The following LUZP2 variants were observed in gnomAD, a reference collection of about 807,000 sequenced individuals.
The protein encoded by LUZP2 is leucine zipper protein 2.
LUZP2 carries 52 observed loss-of-function variants against 51.6 expected under a neutral mutation model. That is an observed-to-expected ratio of 1.01 (90% CI 0.81 to 1.27). LUZP2 has a LOEUF of 1.27. LUZP2 is among the 50% of genes most tolerant of loss of function. The probability of loss-of-function intolerance (pLI) is 0.00; values close to 1 mark genes in which losing one functional copy is unlikely to be tolerated. For missense variants in LUZP2, 436 were observed against 395.4 expected (o/e 1.10, Z -0.87); for synonymous variants, 154 against 137.3 (o/e 1.12, Z -0.85).
chr11:24,969,115 C>T (rs1050845170), intron 7 of LUZP2, among the ~76,000 whole-genome samples: 1 of 152,034 alleles, frequency 6.6e-6, no homozygotes, highest in Non-Finnish European at 1.5e-5. Context: ...GTTTTAATCC[C>T]AGTACCCAAT....
At position 24,987,124 on chromosome 11, in the gene LUZP2, G is replaced by C. The variant is rs78986202; in HGVS notation, c.765+3831G>C. On this transcript the variant is annotated intron_variant, in intron 9 of 11. Transcript: ENST00000336930. The stretch of plus-strand genomic sequence containing the variant: ...TTCACATAAAACATTAGCATATGTT[G>C]TGGTGCCTGACACACATAAAGCAGT... Among the ~76,000 whole-genome samples the C allele has an allele frequency of 1.2e-3, 183 of 151,948 alleles. 2 individuals are homozygous for C. Among genetic ancestry groups the C allele is most frequent in the African/African-American group, 4.2e-3 (175 of 41,512 alleles).
At chr11:25,049,273 C>A (rs7103683) in intron 9 of LUZP2, among the ~76,000 whole-genome samples, 7 of 151,814 alleles carry the variant, frequency 4.6e-5, no homozygotes, top group Admixed American at 2.6e-4. Context: ...TTTGTGTGCC[C>A]TAAAACAGTA....
chr11:25,001,429 G>A (rs1369598245), intron 9 of LUZP2, among the ~76,000 whole-genome samples: 1 of 152,096 alleles, frequency 6.6e-6, no homozygotes, highest in Non-Finnish European at 1.5e-5. Flanking sequence ...TCCTAGATTT[G>A]TCAGACCTTT....
chr11:24,709,500 G>A (rs1028437384), intron 1 of LUZP2, among the ~76,000 whole-genome samples: 36 of 152,140 alleles, frequency 2.4e-4, no homozygotes, highest in Non-Finnish European at 3.5e-4. Flanking sequence ...AAGAGAAAGG[G>A]CAGATACAAT....
At chr11:24,659,184 A>G (rs189648274) in intron 1 of LUZP2, among the ~76,000 whole-genome samples, 22 of 152,342 alleles carry the variant, frequency 1.4e-4, no homozygotes, top group African/African-American at 5.1e-4. Flanking sequence ...ATGTCCATCA[A>G]TGATAAACTG....
At chr11:24,883,130 A>T (rs938115092) in intron 5 of LUZP2, among the ~76,000 whole-genome samples, 1 of 151,974 alleles carries the variant, frequency 6.6e-6, no homozygotes, top group African/African-American at 2.4e-5. Context: ...AGAACCAAGG[A>T]TTTCCCATGG....
intron 5 of LUZP2, among the ~76,000 whole-genome samples, chr11:24,777,289 G>T (rs982246719): frequency 6.6e-6 from 1 of 152,006 alleles, no homozygotes; most frequent in African/African-American, 2.4e-5. Flanking sequence ...CACCGCGCCC[G>T]GCCTGTAAGT....
chr11:24,653,684 G>T (rs183424519), intron 1 of LUZP2, among the ~76,000 whole-genome samples: 1 of 152,102 alleles, frequency 6.6e-6, no homozygotes, highest in Non-Finnish European at 1.5e-5. Flanking sequence ...CCTACCGCTG[G>T]GGTTGAGGAT....
At chr11:24,517,410 T>C (rs1013849127) in intron 1 of LUZP2, among the ~76,000 whole-genome samples, 9 of 128,928 alleles carry the variant, frequency 7.0e-5, no homozygotes, top group Admixed American at 3.0e-4. Context: ...GGCGTGAACC[T>C]GGGAGGCGGA....
At chr11:24,765,617 TTTTTC>T (rs1295818793) in intron 5 of LUZP2, among the ~76,000 whole-genome samples, 3 of 147,142 alleles carry the variant, frequency 2.0e-5, no homozygotes, top group African/African-American at 5.2e-5. Context: ...TTTTTCCTTT[TTTTTC>T]TTTTTTCTTT....
At chr11:24,528,042 T>C (rs530951114) in intron 1 of LUZP2, among the ~76,000 whole-genome samples, 65 of 151,430 alleles carry the variant, frequency 4.3e-4, no homozygotes, top group African/African-American at 1.5e-3. Flanking sequence ...TGACTATTAT[T>C]GAGAATATGG....
rs940155077 is a variant in LUZP2, at chr11:24,738,228, A to G, written c.259A>G (p.Met87Val). The G allele has an allele frequency of 6.2e-7, 1 of 1,606,256 alleles. No homozygotes were observed. Among genetic ancestry groups the G allele is most frequent in the Non-Finnish European group, 8.5e-7 (1 of 1,174,200 alleles). ...LELGQKQREE[M>V]KSLQEALQNQ... The stretch of plus-strand genomic sequence containing the variant: ...TGTTTTCTACTAAAATAGAGAAGAA[A>G]TGAAGTCTCTTCAGGAGGCCCTGCA... The change falls in exon 4 of 12, where the codon ATG becomes GTG. Residue 87 changes from methionine (M) to valine (V), a missense_variant. Transcript: ENST00000336930.
chr11:24,846,825 A>T (rs1278808677), intron 5 of LUZP2, among the ~76,000 whole-genome samples: 2 of 151,756 alleles, frequency 1.3e-5, no homozygotes, highest in African/African-American at 2.4e-5. Flanking sequence ...GTCTCCCTCT[A>T]TGTGTGTGTG....
At chr11:25,021,832 C>A (rs1857342770) in intron 9 of LUZP2, among the ~76,000 whole-genome samples, 1 of 151,814 alleles carries the variant, frequency 6.6e-6, no homozygotes, top group African/African-American at 2.4e-5. Context: ...GAATTGGAGC[C>A]CATGGAGATC....
At chr11:24,641,639 A>T (rs988550797) in intron 1 of LUZP2, among the ~76,000 whole-genome samples, 2 of 151,846 alleles carry the variant, frequency 1.3e-5, no homozygotes, top group African/African-American at 4.9e-5. Context: ...TTGACATATA[A>T]AAAGACATAT....
intron 7 of LUZP2, among the ~76,000 whole-genome samples, chr11:24,922,113 G>C (rs1365829788): frequency 6.6e-6 from 1 of 151,954 alleles, no homozygotes; most frequent in African/African-American, 2.4e-5. Flanking sequence ...CATTTGCAGG[G>C]TTTTATACTT....
At chr11:25,015,224 A>G (rs1047929379) in intron 9 of LUZP2, among the ~76,000 whole-genome samples, 3 of 152,220 alleles carry the variant, frequency 2.0e-5, no homozygotes, top group Admixed American at 1.3e-4. Flanking sequence ...TTTTAAAAAT[A>G]AACTTTTAGT....
chr11:24,573,460 T>G (rs1852504937), intron 1 of LUZP2, among the ~76,000 whole-genome samples: 1 of 150,300 alleles, frequency 6.7e-6, no homozygotes, highest in Admixed American at 6.7e-5. Context: ...TTTTAAAAAA[T>G]GCATTTAAAG....
At chr11:24,566,416 C>A (rs1032980554) in intron 1 of LUZP2, among the ~76,000 whole-genome samples, 1 of 148,786 alleles carries the variant, frequency 6.7e-6, no homozygotes, top group Admixed American at 6.7e-5. Context: ...ACAACCTCCA[C>A]CTCCCAGGTT....
Sources: allele counts gnomAD v4.1 joint callset (sites outside exome capture counted in the v4.1 genomes callset), GRCh38; gene constraint gnomAD v4.1.1; transcripts MANE v1.5; gene names NCBI Gene and HGNC (gene_info 2026-07-23, HGNC 2026-07-21).